The following XPO1 variants were observed in gnomAD, a reference collection of about 807,000 sequenced individuals.
XPO1 encodes exportin-1.
In XPO1, 5 loss-of-function variants were observed where a neutral mutation model predicts 133.3. That is an observed-to-expected ratio of 0.04 (90% CI 0.02 to 0.08). XPO1 has a LOEUF of 0.08. XPO1 is among the 10% of genes least tolerant of loss of function. The probability of loss-of-function intolerance (pLI) is 1.00; values close to 1 mark genes in which losing one functional copy is unlikely to be tolerated. For missense variants in XPO1, 506 were observed against 1,267.5 expected, an observed-to-expected ratio of 0.40 and a Z score of 9.12; for synonymous variants, 419 against 408.2, an observed-to-expected ratio of 1.03 and a Z score of -0.32.
At chr2:61,511,219 G>A (rs923332949) in intron 4 of XPO1, among the ~76,000 whole-genome samples, 4 of 152,014 alleles carry the variant, frequency 2.6e-5, no homozygotes, top group African/African-American at 9.7e-5. Context: ...CACCTCCCAG[G>A]TTTAAGCAAT....
chr2:61,537,766 CACACACACACACACACA>C lies in XPO1; in HGVS notation c.-228_-212del, dbSNP rs1699418245. The C allele has an allele frequency of 6.5e-6, 1 of 153,092 alleles. No individual in the cohort carries two copies. Among genetic ancestry groups the C allele is most frequent in the Non-Finnish European group, 1.4e-5 (1 of 69,474 alleles). The allele number at this position is 153,092 out of a possible 1,614,324, so 9.5% of individuals were successfully genotyped here. On this transcript the variant is annotated 5_prime_UTR_variant, in exon 1 of 25. Transcript: ENST00000401558. ...ACGCTTCCCCCAACACACACACACA[CACACACACACACACACA>C]CCCGCCCCCCCCCAAAAGGGGAATT...
chr2:61,480,242 T>G (rs958366414), intron 24 of XPO1: 8 of 152,050 alleles, frequency 5.3e-5, no homozygotes, highest in Non-Finnish European at 8.8e-5. Context: ...AAATTAAGTT[T>G]AGTTATATTA....
At position 61,497,011 on chromosome 2, in the gene XPO1, T is replaced by A. The variant is rs1402796336; in HGVS notation, c.760-4A>T. 1 of 1,605,502 alleles carries A rather than the reference T, an allele frequency of 6.2e-7. No homozygotes were observed. Among genetic ancestry groups the A allele is most frequent in the Admixed American group, 1.7e-5 (1 of 57,346 alleles). On this transcript the variant is annotated splice_polypyrimidine_tract_variant and splice_region_variant and intron_variant, in intron 9 of 24. Coordinates refer to ENST00000401558, the MANE Select transcript of XPO1 (RefSeq NM_003400.4). ...GAAACATTGGAACATTCAGGAACTA[T>A]TTAAAAGGGGGGAGGGAACCATAAA...
intron 24 of XPO1, chr2:61,480,731 T>TGGAACTA (rs1696306878): frequency 6.6e-6 from 1 of 152,218 alleles, no homozygotes; most frequent in South Asian, 2.1e-4. Context: ...ACTTAGGGTT[T>TGGAACTA]CACAGTACTT....
In XPO1 at chr2:61,487,415, T is replaced by G. The variant is rs1312515181; in HGVS notation, c.2313+750A>C. On this transcript the variant is annotated intron_variant, in intron 19 of 24. Coordinates refer to ENST00000401558, the MANE Select transcript of XPO1 (RefSeq NM_003400.4). ...TGTTCAGAACCTTTCGATATTTAGG[T>G]TAGCCAACTTAAGTATTCCACAAGA... Among the ~76,000 whole-genome samples, 5 of 152,152 alleles carry G rather than the reference T, an allele frequency of 3.3e-5. No homozygotes were observed. The East Asian group carries it at 9.6e-4, about 29-fold the overall frequency.
chr2:61,483,917 A>G lies in XPO1; in HGVS notation c.2677+20T>C. 1 of 1,608,422 alleles carries G rather than the reference A, an allele frequency of 6.2e-7. No individual in the cohort carries two copies. Among genetic ancestry groups the G allele is most frequent in the South Asian group, 1.1e-5 (1 of 89,406 alleles). On this transcript the variant is annotated intron_variant, in intron 21 of 24. Transcript: ENST00000401558. The stretch of plus-strand genomic sequence containing the variant: ...TTTTGGATTGGCAGGCAAATGAATA[A>G]AAGAACATCTTTTATTTACCCGTAT...
chr2:61,493,081 A>C, intron 12 of XPO1, 28 bp from the exon 13 acceptor site: 3 of 1,541,788 alleles, frequency 1.9e-6, no homozygotes, highest in African/African-American at 2.8e-5. Context: ...TCAATCAAGA[A>C]AAAAATCGTT....
intron 24 of XPO1, among the ~76,000 whole-genome samples, chr2:61,480,075 G>A (rs1407941190): frequency 6.6e-6 from 1 of 151,366 alleles, no homozygotes; most frequent in South Asian, 2.1e-4. Flanking sequence ...ATGTTGGCCG[G>A]GCTGATCCTG....
intron 23 of XPO1, 76 bp from the exon 24 acceptor site, chr2:61,481,357 G>A (rs1696343304): frequency 2.8e-6 from 3 of 1,067,582 alleles, no homozygotes; most frequent in Non-Finnish European, 4.0e-6. Context: ...TCACCAGGCT[G>A]GAGTACAGTG....
chr2:61,531,814 T>G (rs1203658578), intron 2 of XPO1, among the ~76,000 whole-genome samples: 1 of 152,184 alleles, frequency 6.6e-6, no homozygotes, highest in Admixed American at 6.5e-5. Context: ...ACAGGGATAA[T>G]AAATACGGAT....
chr2:61,488,055 C>G lies in XPO1; in HGVS notation c.2313+110G>C, dbSNP rs143807080. The G allele has an allele frequency of 5.1e-3, 4,583 of 903,154 alleles. 20 individuals are homozygous for G. The highest frequency in any genetic ancestry group is 9.7e-3 in the South Asian group (588 of 60,334). The allele number at this position is 903,154 out of a possible 1,614,324, so 55.9% of individuals were successfully genotyped here. Reference sequence around the variant, plus strand: ...AATAAATAAAATGCCATAAAATAACCACAAAGTTGATATGCTTTAAATTAG... The same window carrying G: ...AATAAATAAAATGCCATAAAATAACGACAAAGTTGATATGCTTTAAATTAG... On this transcript the variant is annotated intron_variant, in intron 19 of 24. Transcript: ENST00000401558.
chr2:61,483,412 T>G (rs1696503171), intron 21 of XPO1: 1 of 241,936 alleles, frequency 4.1e-6, no homozygotes, highest in African/African-American at 2.3e-5. Context: ...TAAGGTGGAG[T>G]TCATACACAT....
At chr2:61,481,384 C>T in intron 23 of XPO1, 103 bp from the exon 24 acceptor site, 2 of 606,554 alleles carry the variant, frequency 3.3e-6, no homozygotes, top group Admixed American at 4.0e-5. Flanking sequence ...TCTCTGCTCA[C>T]TGTAATCTCT....
At chr2:61,529,367 C>T (rs547236590) in intron 2 of XPO1, among the ~76,000 whole-genome samples, 1 of 152,250 alleles carries the variant, frequency 6.6e-6, no homozygotes, top group Admixed American at 6.5e-5. Context: ...TTAAAACAAT[C>T]GTATGCTCGG....
chr2:61,483,222 C>T, intron 21 of XPO1, 131 bp from the exon 22 acceptor site: 1 of 943,868 alleles, frequency 1.1e-6, no homozygotes, highest in South Asian at 1.9e-5. Flanking sequence ...CTAATAATTA[C>T]TTGCATAAGG....
Position 61,495,608 on chromosome 2 carries a change from A to C in XPO1, c.894T>G (p.Leu298=). 6.4e-7 allele frequency: 1 copy of C among 1,553,366 alleles called. No homozygotes were observed. The highest frequency in any genetic ancestry group is 8.7e-7 in the Non-Finnish European group (1 of 1,145,904). Residue 298 remains leucine, a synonymous_variant, in exon 11 of 25, where the codon CTT becomes CTG. Coordinates refer to ENST00000401558, the MANE Select transcript of XPO1 (RefSeq NM_003400.4). ...CAAGTCGAATATTGGTATTTAAAGG[A>C]AGCATCTGCAAATTTTAAAAGGGAC... The part of the protein sequence containing the change: ...TLTMMQLKQM[L]PLNTNIRLAY...
In XPO1 at chr2:61,496,921, T is replaced by C. The variant is rs758027982; in HGVS notation, c.846A>G (p.Gln282=). 2.5e-6 allele frequency: 4 copies of C among 1,612,302 alleles called. No homozygotes were observed. The South Asian group carries it at 3.3e-5, about 13-fold the overall frequency. Residue 282 remains glutamine, a synonymous_variant, in exon 10 of 25, where the codon CAA becomes CAG. Transcript: ENST00000401558. ...AGVSVSQYEE[Q]FVTLFTLTMM... ...TTGTCAGAGTAAATAGTGTTACAAA[T>C]TGTTCTTCATATTGGCTTACACTCA...
At chr2:61,521,857 G>T (rs1057482387) in intron 4 of XPO1, among the ~76,000 whole-genome samples, 2 of 151,708 alleles carry the variant, frequency 1.3e-5, no homozygotes, top group Non-Finnish European at 2.9e-5. Context: ...TTGGCTCAAG[G>T]GATCCTCCTA....
rs1697359157 is a variant in XPO1 at position 61,498,667 on chromosome 2, C to G, written c.759+6G>C. ...GTGACAAATAACTGAAATGTATTCA[C>G]TGTACCTTATAAATCAATGTGCTGA... On this transcript the variant is annotated splice_donor_region_variant and intron_variant, in intron 9 of 24. Coordinates refer to ENST00000401558, the MANE Select transcript of XPO1 (RefSeq NM_003400.4). The G allele has an allele frequency of 1.9e-6, 3 of 1,613,180 alleles. No individual in the cohort carries two copies. The highest frequency in any genetic ancestry group is 2.5e-6 in the Non-Finnish European group (3 of 1,179,808).
Sources: gnomAD v4.1 joint callset for allele counts (sites outside exome capture counted in the v4.1 genomes callset) on GRCh38, gnomAD v4.1.1 for gene constraint, MANE v1.5 for transcripts, NCBI Gene and HGNC (gene_info 2026-07-23, HGNC 2026-07-21) for gene names.